Variants in CRTAC1 observed in about 807,000 individuals in gnomAD.
CRTAC1 encodes the protein acidic secreted protein in cartilage.
A neutral mutation model predicts 67.8 loss-of-function variants in CRTAC1; 37 were observed. The ratio of observed to expected loss-of-function variants is 0.55; its 90% confidence interval spans 0.42 to 0.72. The LOEUF is 0.72. CRTAC1 is among the 30% of genes least tolerant of loss of function. The pLI is 0.00. For synonymous variants in CRTAC1, 348 were observed against 371.0 expected (o/e 0.94, Z 0.71); for missense variants, 780 against 931.6 (o/e 0.84, Z 2.12).
At chr10:97,909,234 C>T (rs1449340482) in intron 5 of CRTAC1, among the ~76,000 whole-genome samples, 2 of 152,048 alleles carry the variant, frequency 1.3e-5, no homozygotes, top group Non-Finnish European at 2.9e-5. Flanking sequence ...AATGAAGACT[C>T]TCTGCTTGCC....
intron 5 of CRTAC1, among the ~76,000 whole-genome samples, chr10:97,910,262 A>G (rs1286399974): frequency 6.6e-6 from 1 of 152,242 alleles, no homozygotes; most frequent in Non-Finnish European, 1.5e-5. Context: ...CGACTTAGCC[A>G]TTCCACAATG....
rs2050472749 is a variant in CRTAC1 at position 97,897,134 on chromosome 10, C to T, written c.1134-143G>A. ...ACCTGGCTGCCCACGGAGCCACTCT[C>T]TGCTCCCAGGCCCTGCCTATACTCT... On this transcript the variant is annotated intron_variant, in intron 8 of 14. Coordinates refer to ENST00000370597, the MANE Select transcript of CRTAC1 (RefSeq NM_018058.7). The T allele has an allele frequency of 5.4e-6, 3 of 559,226 alleles. No individual in the cohort carries two copies. In the African/African-American group the frequency reaches 5.7e-5, roughly 11 times the overall value. 34.6% of individuals were successfully genotyped at this position (559,226 alleles called of 1,614,324 possible).
At chr10:98,005,269 T>C (rs1456910793) in intron 2 of CRTAC1, among the ~76,000 whole-genome samples, 1 of 150,744 alleles carries the variant, frequency 6.6e-6, no homozygotes, top group Non-Finnish European at 1.5e-5. Flanking sequence ...CACGCCTGGC[T>C]AATTTTTGTA....
chr10:97,995,797 G>C lies in CRTAC1; in HGVS notation c.224+15341C>G, dbSNP rs113107519. ...CCTACATTAAGCCGGGACACTTGGA[G>C]AGAGCTAGGGTATTCTCAGGTCAGT... On this transcript the variant is annotated intron_variant, in intron 2 of 14. Transcript: ENST00000370597. Among the ~76,000 whole-genome samples, 4 of 152,294 alleles carry C rather than the reference G, an allele frequency of 2.6e-5. 1 individual carries two copies. The highest frequency in any genetic ancestry group is 9.6e-5 in the African/African-American group (4 of 41,570).
At chr10:97,875,407 T>G (rs898389149) in intron 14 of CRTAC1, among the ~76,000 whole-genome samples, 1 of 152,244 alleles carries the variant, frequency 6.6e-6, no homozygotes, top group Admixed American at 6.5e-5. Context: ...TGGTGGCCTA[T>G]TTTTTGACCA....
At position 97,912,932 on chromosome 10, in the gene CRTAC1, C is replaced by T. The variant is rs186047015; in HGVS notation, c.715+4568G>A. Reference sequence around the variant, plus strand: ...TGATTCCTGTGCCCATCTAGCCCTGCACCCTCTGCATCAGCAGAGACTCTG... The same window carrying T: ...TGATTCCTGTGCCCATCTAGCCCTGTACCCTCTGCATCAGCAGAGACTCTG... On this transcript the variant is annotated intron_variant, in intron 5 of 14. Coordinates refer to ENST00000370597, the MANE Select transcript of CRTAC1 (RefSeq NM_018058.7). Among the ~76,000 whole-genome samples the T allele has an allele frequency of 4.9e-4, 74 of 152,334 alleles. 1 individual carries two copies. Among genetic ancestry groups the T allele is most frequent in the Non-Finnish European group, 5.9e-5 (4 of 68,024 alleles).
At position 97,908,145 on chromosome 10, in the gene CRTAC1, C is replaced by A. The variant is rs761992514; in HGVS notation, c.718G>T (p.Gly240Cys). 6.2e-7 allele frequency: 1 copy of A among 1,613,984 alleles called. No individual in the cohort carries two copies. Among genetic ancestry groups the A allele is most frequent in the South Asian group, 1.1e-5 (1 of 91,066 alleles). ...ATGGGGCCCACGCTGACGCCTCGGCCCCCTAGAAAAGACATCGACCCACAG... is the reference window on the plus strand; with the variant it reads ...ATGGGGCCCACGCTGACGCCTCGGCACCCTAGAAAAGACATCGACCCACAG... Reference protein sequence around the residue: ...AEAGVSKYTGGRGVSVGPILS... With the variant: ...AEAGVSKYTGCRGVSVGPILS... The change falls in exon 6 of 15, where the codon GGC becomes TGC. Residue 240 changes from glycine (G) to cysteine (C), a missense_variant and splice_region_variant. By Grantham distance (159) the Gly-to-Cys change is radical. Transcript: ENST00000370597.
intron 2 of CRTAC1, among the ~76,000 whole-genome samples, chr10:98,004,151 A>C (rs1404368851): frequency 6.6e-6 from 1 of 152,242 alleles, no homozygotes; most frequent in African/African-American, 2.4e-5. Context: ...GAGCTGGCAC[A>C]CTGCAACCAT....
intron 2 of CRTAC1, among the ~76,000 whole-genome samples, chr10:97,983,004 C>A (rs2051920405): frequency 1.3e-5 from 2 of 152,332 alleles, no homozygotes; most frequent in South Asian, 4.1e-4. Context: ...ACCATGTGAA[C>A]CTTCAATTCT....
chr10:97,923,191 A>T, intron 4 of CRTAC1, 73 bp downstream of exon 4: 1 of 1,564,880 alleles, frequency 6.4e-7, no homozygotes, highest in Non-Finnish European at 8.8e-7. Flanking sequence ...CTGTCAGGGG[A>T]CGTCTACACA....
chr10:97,923,155 T>C, intron 4 of CRTAC1, 109 bp downstream of exon 4: 1 of 1,305,032 alleles, frequency 7.7e-7, no homozygotes, highest in Non-Finnish European at 1.1e-6. Flanking sequence ...ACCCAATCTA[T>C]CCAAGACACC....
intron 1 of CRTAC1, among the ~76,000 whole-genome samples, chr10:98,023,406 C>A (rs1032432250): frequency 6.6e-6 from 1 of 152,220 alleles, no homozygotes; most frequent in African/African-American, 2.4e-5. Flanking sequence ...CTCATTTGTG[C>A]ACCCACTGAG....
At chr10:98,021,308 C>T (rs11819510) in intron 1 of CRTAC1, among the ~76,000 whole-genome samples, 5,532 of 152,230 alleles carry the variant, frequency 0.036, 343 homozygotes, top group African/African-American at 0.12. Context: ...TTCCTCCCCT[C>T]TACCTGGAGA....
chr10:97,941,404 T>C (rs1437638402), intron 2 of CRTAC1, among the ~76,000 whole-genome samples: 2 of 152,138 alleles, frequency 1.3e-5, no homozygotes, highest in Non-Finnish European at 2.9e-5. Flanking sequence ...ATAATGTTCA[T>C]TACCCTGACT....
chr10:97,877,112 A>G (rs1369660310), intron 14 of CRTAC1, among the ~76,000 whole-genome samples: 2 of 152,086 alleles, frequency 1.3e-5, no homozygotes, highest in East Asian at 3.8e-4. Flanking sequence ...CACATTCCTC[A>G]TGGGAGGAAC....
chr10:98,019,073 G>C (rs530619253), intron 1 of CRTAC1, among the ~76,000 whole-genome samples: 34 of 152,272 alleles, frequency 2.2e-4, no homozygotes, highest in Middle Eastern at 3.4e-3. Context: ...AGTTAGCTGG[G>C]GGGGGAGCTG....
In CRTAC1 at chr10:97,895,471, G is replaced by A. The variant is rs1434071963; in HGVS notation, c.1318-58C>T. The A allele has an allele frequency of 1.3e-6, 2 of 1,496,170 alleles. No homozygotes were observed. 92.7% of individuals were successfully genotyped at this position (1,496,170 alleles called of 1,614,324 possible). A position where few individuals can be genotyped will look rare whatever the true frequency, so the allele number is the denominator to read the frequency against. ...GGCATCAGCATGGTGGGTGGGAAGA[G>A]CAGGGAGCCAGGGAGGACGGGAGGG... On this transcript the variant is annotated intron_variant, in intron 10 of 14. Transcript: ENST00000370597. The surrounding 1 kb of genome is among the most constrained non-coding windows in gnomAD (Gnocchi z 4.2).
intron 1 of CRTAC1, among the ~76,000 whole-genome samples, chr10:98,020,037 A>G (rs980404510): frequency 6.6e-6 from 1 of 152,004 alleles, no homozygotes; most frequent in Non-Finnish European, 1.5e-5. Flanking sequence ...TGCTTCACAA[A>G]TCTCTCTCAA....
intron 3 of CRTAC1, among the ~76,000 whole-genome samples, chr10:97,933,120 AT>A (rs2051026230): frequency 6.6e-6 from 1 of 152,256 alleles, no homozygotes; most frequent in South Asian, 2.1e-4. Context: ...AAGGGTGGCA[AT>A]GGCCAAGTGC....
Sources: allele counts gnomAD v4.1 joint callset (sites outside exome capture counted in the v4.1 genomes callset), GRCh38; gene constraint gnomAD v4.1.1; non-coding constraint Gnocchi (gnomAD v3.1); transcripts MANE v1.5; gene names NCBI Gene and HGNC (gene_info 2026-07-23, HGNC 2026-07-21).